The following SORL1 variants were observed in gnomAD, a reference collection of about 807,000 sequenced individuals.
SORL1 encodes sortilin-related receptor.
Under a neutral mutation model 273.7 loss-of-function variants are expected in SORL1, and 127 were observed. The ratio of observed to expected loss-of-function variants is 0.46; its 90% CI spans 0.40 to 0.54. SORL1 has a LOEUF of 0.54. SORL1 is among the 20% of genes least tolerant of loss of function. The probability of loss-of-function intolerance (pLI) is 0.00; values close to 1 mark genes in which losing one functional copy is unlikely to be tolerated. For synonymous variants in SORL1, 1,031 were observed against 1,067.4 expected, an observed-to-expected ratio of 0.97 and a Z score of 0.66; for missense variants, 2,494 against 2,846.1, an observed-to-expected ratio of 0.88 and a Z score of 2.81.
Position 121,595,680 on chromosome 11 carries a change from T to A in SORL1, c.4427T>A (p.Phe1476Tyr), listed in dbSNP as rs945597967. ...CTTGGGCGATGTGACCGATTTGAGT[T>A]CGAATGCCACCAACCGAAGACGTGT... is the stretch of plus-strand genomic sequence containing the variant. ...TQLGRCDRFE[F>Y]ECHQPKTCIP... The change falls in exon 32 of 48, where the codon TTC (phenylalanine) becomes TAC (tyrosine). Residue 1476 changes from phenylalanine to tyrosine, a missense_variant. By Grantham distance (22) the Phe-to-Tyr change is conservative. This residue lies in a region of SORL1 where 1,609 missense variants were observed against 1,816.4 expected (regional missense o/e 0.89). Transcript: ENST00000260197. The surrounding 1 kb of genome is among the most constrained non-coding windows in gnomAD (Gnocchi z 5.1). The A allele has an allele frequency of 6.2e-7, 1 of 1,613,774 alleles. No individual in the cohort carries two copies. The highest frequency in any genetic ancestry group is 8.5e-7 in the Non-Finnish European group (1 of 1,179,866).
At chr11:121,621,373 A>C in intron 44 of SORL1, 135 bp downstream of exon 44, 1 of 779,484 alleles carries the variant, frequency 1.3e-6, no homozygotes, top group Non-Finnish European at 2.0e-6. Context: ...ATATTCCTAC[A>C]GGGGCAGAGT....
intron 24 of SORL1, 63 bp from the exon 25 acceptor site, chr11:121,577,218 A>G: frequency 6.5e-7 from 1 of 1,539,096 alleles, no homozygotes. Context: ...GAGCTTTGAC[A>G]CCAGAGACAA....
In SORL1 at chr11:121,554,666, T is replaced by G. The variant is rs1565334597; in HGVS notation, c.2440-521T>G. On this transcript the variant is annotated intron_variant, in intron 17 of 47. Transcript: ENST00000260197. This position sits in a 1 kb window ranked among gnomAD's most constrained non-coding sequence, Gnocchi z 4.6. Reference sequence around the variant, plus strand: ...TAGAAAAGCAATTCCAACAAATTTTTATCTAGATTCCAACCCAACAGAAAT... The same window carrying G: ...TAGAAAAGCAATTCCAACAAATTTTGATCTAGATTCCAACCCAACAGAAAT... Among the ~76,000 whole-genome samples, 1 of 152,212 alleles carries G rather than the reference T, an allele frequency of 6.6e-6. No individual in the cohort carries two copies. Among genetic ancestry groups the G allele is most frequent in the Non-Finnish European group, 1.5e-5 (1 of 68,030 alleles).
chr11:121,628,179 T>C (rs1863825999), intron 47 of SORL1, among the ~76,000 whole-genome samples: 1 of 152,236 alleles, frequency 6.6e-6, no homozygotes, highest in Non-Finnish European at 1.5e-5. Context: ...TCCATCTTGC[T>C]GTTTCTCTTT....
intron 11 of SORL1, among the ~76,000 whole-genome samples, chr11:121,529,709 G>A (rs911385259): frequency 1.1e-4 from 17 of 152,080 alleles, no homozygotes; most frequent in African/African-American, 4.1e-4. Context: ...GTTCTTTGAA[G>A]TGTTTCTTCT....
At chr11:121,583,880 C>G (rs1863052294) in intron 26 of SORL1, among the ~76,000 whole-genome samples, 1 of 152,210 alleles carries the variant, frequency 6.6e-6, no homozygotes, top group Non-Finnish European at 1.5e-5. Flanking sequence ...TTAAGGTTCT[C>G]TATCCTTTTG....
chr11:121,477,986 C>T (rs964015213), intron 2 of SORL1, 132 bp from the exon 3 acceptor site: 44 of 963,746 alleles, frequency 4.6e-5, no homozygotes, highest in Non-Finnish European at 6.1e-5. Flanking sequence ...GAGCTGAGAT[C>T]GCACCATGGC....
At chr11:121,544,804 C>T (rs1355688777) in intron 13 of SORL1, among the ~76,000 whole-genome samples, 2 of 152,146 alleles carry the variant, frequency 1.3e-5, no homozygotes, top group East Asian at 1.9e-4. Context: ...GTAGGGCCAG[C>T]GAGCCCTCCA....
chr11:121,498,255 G>A (rs57874143), intron 6 of SORL1, among the ~76,000 whole-genome samples: 1,590 of 152,244 alleles, frequency 0.01, 41 homozygotes, highest in African/African-American at 0.036. Flanking sequence ...AAGCATCCTC[G>A]AATGGCTTTG....
At chr11:121,484,231 G>A (rs1861438247) in intron 3 of SORL1, among the ~76,000 whole-genome samples, 1 of 152,148 alleles carries the variant, frequency 6.6e-6, no homozygotes, top group Non-Finnish European at 1.5e-5. Flanking sequence ...CTTTTAGCAG[G>A]GAAAGATTAG....
In SORL1 at chr11:121,555,110, T is replaced by A. The variant is rs919295458; in HGVS notation, c.2440-77T>A. On this transcript the variant is annotated intron_variant, in intron 17 of 47. Coordinates refer to ENST00000260197, the MANE Select transcript of SORL1 (RefSeq NM_003105.6). ...CCAGTCCTGCCAGTTGAATAAAGGG[T>A]TACCCTTCATGGGACTGACTTGGCA... The A allele has an allele frequency of 2.8e-6, 4 of 1,453,786 alleles. No homozygotes were observed. The African/African-American group carries it at 5.7e-5, about 21-fold the overall frequency. The allele number at this position is 1,453,786 out of a possible 1,614,324, so 90.1% of individuals were successfully genotyped here. A position where few individuals can be genotyped will look rare whatever the true frequency, so the allele number is the denominator to read the frequency against.
Position 121,488,744 on chromosome 11 carries a change from G to A in SORL1, c.690+551G>A, listed in dbSNP as rs113164256. 7.6e-3 allele frequency among the ~76,000 whole-genome samples: 1,151 copies of A among 152,304 alleles called. 15 individuals are homozygous for A. The highest frequency in any genetic ancestry group is 0.027 in the African/African-American group (1,102 of 41,550). On this transcript the variant is annotated intron_variant, in intron 4 of 47. Coordinates refer to ENST00000260197, the MANE Select transcript of SORL1 (RefSeq NM_003105.6). ...AATCTGAGAGATGAGGAAAGAGCCT[G>A]AGTAAGACTTATATCTCAAGGTTGA...
intron 21 of SORL1, among the ~76,000 whole-genome samples, chr11:121,561,834 T>C (rs1184601162): frequency 6.6e-6 from 1 of 152,164 alleles, no homozygotes; most frequent in African/African-American, 2.4e-5. Context: ...TTTGGGATTT[T>C]CTCTTGCTGT....
intron 32 of SORL1, among the ~76,000 whole-genome samples, chr11:121,598,468 G>C (rs975553569): frequency 3.3e-5 from 5 of 152,314 alleles, no homozygotes; most frequent in Non-Finnish European, 7.3e-5. Context: ...ACGATGGTGG[G>C]TTCATTGATT....
In SORL1 at chr11:121,570,204, A is replaced by G. The variant is rs139794846; in HGVS notation, c.3271A>G (p.Ile1091Val). ...NQYRCSNGNC[I>V]NSIWWCDFDN... ...GTATCGCTGCAGCAACGGGAACTGT[A>G]TCAACAGCATTTGGTGGTGTGACTT... The change falls in exon 23 of 48, where the codon ATC (isoleucine) becomes GTC (valine). Residue 1091 changes from isoleucine to valine, a missense_variant. Transcript: ENST00000260197. 14 of 1,614,086 alleles carry G rather than the reference A, an allele frequency of 8.7e-6. No homozygotes were observed. The highest frequency in any genetic ancestry group is 1.2e-5 in the Non-Finnish European group (14 of 1,179,930).
chr11:121,607,531 T>A (rs994559172), intron 37 of SORL1, among the ~76,000 whole-genome samples: 5 of 152,226 alleles, frequency 3.3e-5, no homozygotes, highest in Admixed American at 3.3e-4. Flanking sequence ...AATGCCGCTT[T>A]CCCTGCTTTT....
chr11:121,590,230 T>C, intron 30 of SORL1, 56 bp downstream of exon 30: 1 of 1,558,942 alleles, frequency 6.4e-7, no homozygotes, highest in Non-Finnish European at 8.7e-7. Context: ...CCAGAATAGT[T>C]CCACCAGCTA....
At chr11:121,571,572 C>G (rs942929496) in intron 23 of SORL1, among the ~76,000 whole-genome samples, 1 of 152,170 alleles carries the variant, frequency 6.6e-6, no homozygotes, top group Non-Finnish European at 1.5e-5. Context: ...GCTCATTTAC[C>G]CATTTGTACT....
rs1006818641 is a variant in SORL1 at position 121,555,454 on chromosome 11, C to T, written c.2571+136C>T. The stretch of plus-strand genomic sequence containing the variant: ...TTACTGCGAGTTTCCAGAGAATGGA[C>T]CAGCTGAGCCTCTGGAGAGGAGAGA... On this transcript the variant is annotated intron_variant, in intron 18 of 47. Coordinates refer to ENST00000260197, the MANE Select transcript of SORL1 (RefSeq NM_003105.6). 5.5e-6 allele frequency: 6 copies of T among 1,091,028 alleles called. No individual in the cohort carries two copies. In the African/African-American group the frequency reaches 9.5e-5, roughly 17 times the overall value. 67.6% of individuals were successfully genotyped at this position (1,091,028 alleles called of 1,614,324 possible). A position where few individuals can be genotyped will look rare whatever the true frequency, so the allele number is the denominator to read the frequency against.
Sources: allele counts gnomAD v4.1 joint callset (sites outside exome capture counted in the v4.1 genomes callset), GRCh38; gene constraint gnomAD v4.1.1; regional missense constraint gnomAD v4.1.1; non-coding constraint Gnocchi (gnomAD v3.1); transcripts MANE v1.5; gene names NCBI Gene and HGNC (gene_info 2026-07-23, HGNC 2026-07-21).